The following KCNG3 variants were observed in gnomAD, a reference collection of about 807,000 sequenced individuals.
KCNG3 encodes the protein potassium voltage-gated channel modifier subfamily G member 3.
Under a neutral mutation model 29.0 loss-of-function variants are expected in KCNG3, and 15 were observed. The observed-to-expected ratio is 0.52, with a 90% confidence interval of 0.35 to 0.80. The LOEUF (loss-of-function observed/expected upper bound fraction) is 0.80, where lower values mean the gene tolerates loss of function less well. Among genes scored for constraint, KCNG3 ranks in the 30% least tolerant of loss-of-function variants. KCNG3 has a pLI of 0.01. For synonymous variants in KCNG3, 322 were observed against 248.9 expected (o/e 1.29, Z -2.76); for missense variants, 512 against 605.7 (o/e 0.85, Z 1.62).
chr2:42,476,027 T>C (rs1205162972), intron 1 of KCNG3, among the ~76,000 whole-genome samples: 1 of 152,166 alleles, frequency 6.6e-6, no homozygotes, highest in African/African-American at 2.4e-5. Flanking sequence ...GATCGTGCCA[T>C]TGCACCCCAG....
At chr2:42,399,137 G>C in the KCNG3 span, among the ~76,000 whole-genome samples, 3 of 141,892 alleles carry the variant, frequency 2.1e-5, no homozygotes, top group Admixed American at 2.2e-4. Context: ...GCTCACTGCA[G>C]CCTTGACCTC....
intron 1 of KCNG3, among the ~76,000 whole-genome samples, chr2:42,445,390 T>C (rs1317807901): frequency 6.6e-6 from 1 of 152,146 alleles, no homozygotes; most frequent in Non-Finnish European, 1.5e-5. Flanking sequence ...TCCTAAAACG[T>C]GAATCGTCCT....
At chr2:42,472,665 A>C (rs1227742680) in intron 1 of KCNG3, among the ~76,000 whole-genome samples, 1 of 151,570 alleles carries the variant, frequency 6.6e-6, no homozygotes, top group African/African-American at 2.4e-5. Context: ...TACCCGGCTA[A>C]TTTTTGTATT....
At chr2:42,453,317 A>G (rs1239183391) in intron 1 of KCNG3, among the ~76,000 whole-genome samples, 1 of 152,198 alleles carries the variant, frequency 6.6e-6, no homozygotes, top group Non-Finnish European at 1.5e-5. Flanking sequence ...ATTTCCACTA[A>G]CAGTGTATGA....
the KCNG3 span, among the ~76,000 whole-genome samples, chr2:42,398,264 T>TAAATAAATAAAA: frequency 7.5e-6 from 1 of 132,620 alleles, no homozygotes; most frequent in East Asian, 2.4e-4. Flanking sequence ...AATAAATAAA[T>TAAATAAATAAAA]AAAATAAAAT....
chr2:42,479,959 C>T (rs906456501), intron 1 of KCNG3, among the ~76,000 whole-genome samples: 7 of 152,158 alleles, frequency 4.6e-5, no homozygotes, highest in African/African-American at 1.7e-4. Flanking sequence ...TTGCAGTGAG[C>T]TGAGATTGCA....
chr2:42,493,753 C>A lies in KCNG3; in HGVS notation c.-252G>T, dbSNP rs1279606081. 3.1e-6 allele frequency: 1 copy of A among 319,914 alleles called. No homozygotes were observed. The allele number at this position is 319,914 out of a possible 1,614,324, so 19.8% of individuals were successfully genotyped here. A position where few individuals can be genotyped will look rare whatever the true frequency, so the allele number is the denominator to read the frequency against. ...CGGGGAGTCCTCGCCGGCGCCAGCG[C>A]TGAGCCCCACCGGCTGGGAACGCGG... On this transcript the variant is annotated 5_prime_UTR_variant, in exon 1 of 2. Coordinates refer to ENST00000306078, the MANE Select transcript of KCNG3 (RefSeq NM_133329.6).
rs771400037 is a variant in KCNG3 at position 42,443,912 on chromosome 2, G to C, written c.*22C>G. 1.9e-6 allele frequency: 3 copies of C among 1,582,440 alleles called. No individual in the cohort carries two copies. The highest frequency in any genetic ancestry group is 2.6e-6 in the Non-Finnish European group (3 of 1,164,034). ...ATCAAAGTCTTTCTATGAAGTGTATGCAAGAATTGATTTGCAATGCATTAA... is the reference window on the plus strand; with the variant it reads ...ATCAAAGTCTTTCTATGAAGTGTATCCAAGAATTGATTTGCAATGCATTAA... On this transcript the variant is annotated 3_prime_UTR_variant, in exon 2 of 2. Coordinates refer to ENST00000306078, the MANE Select transcript of KCNG3 (RefSeq NM_133329.6).
intron 1 of KCNG3, chr2:42,470,218 T>C (rs987915393): frequency 4.8e-6 from 2 of 419,536 alleles, no homozygotes; most frequent in African/African-American, 2.1e-5. Context: ...GAGTCCTCCC[T>C]CCCAATTGGA....
At chr2:42,471,686 T>C (rs1399063290) in intron 1 of KCNG3, among the ~76,000 whole-genome samples, 2 of 152,004 alleles carry the variant, frequency 1.3e-5, no homozygotes, top group Non-Finnish European at 2.9e-5. Context: ...ACAAACAACA[T>C]GCAGATAAAT....
At chr2:42,457,959 A>G (rs1672921281) in intron 1 of KCNG3, among the ~76,000 whole-genome samples, 1 of 152,148 alleles carries the variant, frequency 6.6e-6, no homozygotes, top group African/African-American at 2.4e-5. Flanking sequence ...CCTCATCTCA[A>G]TATATAAATA....
At chr2:42,451,660 A>T (rs946381662) in intron 1 of KCNG3, among the ~76,000 whole-genome samples, 6 of 152,120 alleles carry the variant, frequency 3.9e-5, no homozygotes, top group African/African-American at 1.2e-4. Flanking sequence ...CAGGAGGTGG[A>T]GGTTGTAGTG....
chr2:42,475,417 C>T (rs1673399390), intron 1 of KCNG3, among the ~76,000 whole-genome samples: 1 of 148,380 alleles, frequency 6.7e-6, no homozygotes, highest in South Asian at 2.1e-4. Flanking sequence ...CAACCTCTTT[C>T]TCCCAGGTTC....
chr2:42,456,660 G>C (rs1672880783), intron 1 of KCNG3, among the ~76,000 whole-genome samples: 1 of 152,092 alleles, frequency 6.6e-6, no homozygotes, highest in Non-Finnish European at 1.5e-5. Flanking sequence ...AACTAGAAGA[G>C]CAATCACCAT....
At chr2:42,421,763 G>C in the KCNG3 span, among the ~76,000 whole-genome samples, 58 of 152,280 alleles carry the variant, frequency 3.8e-4, no homozygotes, top group Middle Eastern at 3.4e-3. Context: ...AATTATCTTA[G>C]TCAAGAAACA....
At chr2:42,394,482 C>A in the KCNG3 span, among the ~76,000 whole-genome samples, 1 of 152,200 alleles carries the variant, frequency 6.6e-6, no homozygotes, top group African/African-American at 2.4e-5. Flanking sequence ...CACACCTACA[C>A]CCTTCTCACA....
chr2:42,407,824 T>C, the KCNG3 span, among the ~76,000 whole-genome samples: 1 of 151,784 alleles, frequency 6.6e-6, no homozygotes. Context: ...GACCCGGGCC[T>C]CCATGCAGCA....
At chr2:42,410,155 G>A in the KCNG3 span, among the ~76,000 whole-genome samples, 1 of 152,014 alleles carries the variant, frequency 6.6e-6, no homozygotes, top group African/African-American at 2.4e-5. Context: ...CTTTATTGTT[G>A]TTACCTAGTA....
At chr2:42,478,956 ATTT>A (rs58327433) in intron 1 of KCNG3, among the ~76,000 whole-genome samples, 16,576 of 143,422 alleles carry the variant, frequency 0.12, 1,132 homozygotes, top group South Asian at 0.2. Context: ...CAGAGTTTGA[ATTT>A]TTTTTTTTTT....
Sources: allele counts gnomAD v4.1 joint callset (sites outside exome capture counted in the v4.1 genomes callset), GRCh38; gene constraint gnomAD v4.1.1; transcripts MANE v1.5; gene names NCBI Gene and HGNC (gene_info 2026-07-23, HGNC 2026-07-21).